The following STAG3 variants were observed in gnomAD, a reference collection of about 807,000 sequenced individuals.
The protein encoded by STAG3 is cohesin subunit SA-3.
In STAG3, 101 loss-of-function variants were observed where a neutral mutation model predicts 160.7. That is an observed-to-expected ratio of 0.63 (90% CI 0.54 to 0.74). The LOEUF (loss-of-function observed/expected upper bound fraction) is 0.74. Among genes scored for constraint, STAG3 ranks in the 30% least tolerant of loss-of-function variants. The pLI is 0.00. For synonymous variants in STAG3, 519 were observed against 585.0 expected, an observed-to-expected ratio of 0.89 and a Z score of 1.63; for missense variants, 1,188 against 1,517.4, an observed-to-expected ratio of 0.78 and a Z score of 3.61.
In STAG3 at chr7:100,205,318, C is replaced by G. The variant is rs752670476; in HGVS notation, c.3172C>G (p.Pro1058Ala). ...PVTTYCHSLS[P>A]VENTAETSPQ... is the part of the protein sequence containing the mutation. The stretch of plus-strand genomic sequence containing the variant: ...CACCACCTACTGCCACTCCCTCAGC[C>G]CTGTGGAGAACACAGCAGAGACCAG... Residue 1058 changes from proline (P) to alanine (A), a missense_variant, in exon 29 of 34, where the codon CCT becomes GCT. By Grantham distance (27) the Pro-to-Ala change is conservative. Around this residue, in one of 4 missense-constraint regions of STAG3, gnomAD observed 647 missense variants for 717.2 expected, o/e 0.90. Coordinates refer to ENST00000615138, the MANE Select transcript of STAG3 (RefSeq NM_001282717.2). 5 of 1,613,974 alleles carry G rather than the reference C, an allele frequency of 3.1e-6. No homozygotes were observed. Among genetic ancestry groups the G allele is most frequent in the African/African-American group, 1.3e-5 (1 of 74,930 alleles).
intron 29 of STAG3, among the ~76,000 whole-genome samples, chr7:100,210,794 C>A (rs1455020847): frequency 2.6e-5 from 4 of 152,210 alleles, no homozygotes; most frequent in Non-Finnish European, 1.5e-5. Flanking sequence ...TTGGACAAGG[C>A]CTAGCTACAA....
intron 8 of STAG3, among the ~76,000 whole-genome samples, chr7:100,193,105 T>C (rs974269943): frequency 2.6e-5 from 4 of 152,190 alleles, no homozygotes; most frequent in African/African-American, 9.7e-5. Context: ...ACCAGGTGCA[T>C]TGTCATTGAG....
rs1480861037 is a variant in STAG3, at chr7:100,201,628, G to A, written c.2221-158G>A. The A allele has an allele frequency of 1.2e-5, 8 of 679,834 alleles. No individual in the cohort carries two copies. In the East Asian group the frequency reaches 2.1e-4, roughly 18 times the overall value. 42.1% of individuals were successfully genotyped at this position (679,834 alleles called of 1,614,324 possible). ...GGTGACATTTCTACTTCGTGTAGATGCCTCTGAAGAATGTCCAGAATATCA... is the reference window on the plus strand; with the variant it reads ...GGTGACATTTCTACTTCGTGTAGATACCTCTGAAGAATGTCCAGAATATCA... On this transcript the variant is annotated intron_variant, in intron 21 of 33. Coordinates refer to ENST00000615138, the MANE Select transcript of STAG3 (RefSeq NM_001282717.2).
rs754911970 is a variant in STAG3 at position 100,214,000 on chromosome 7, A to C, written c.3673-7A>C. 2 of 1,613,930 alleles carry C rather than the reference A, an allele frequency of 1.2e-6. No homozygotes were observed. The highest frequency in any genetic ancestry group is 1.7e-6 in the Non-Finnish European group (2 of 1,179,948). The stretch of plus-strand genomic sequence containing the variant: ...CCTGTGTATTCCTTTCATCTTTCTC[A>C]TTATAGGATTTCTGACAGGACTCTG... On this transcript the variant is annotated splice_region_variant and splice_polypyrimidine_tract_variant and intron_variant, in intron 33 of 33. Coordinates refer to ENST00000615138, the MANE Select transcript of STAG3 (RefSeq NM_001282717.2).
intron 8 of STAG3, among the ~76,000 whole-genome samples, chr7:100,193,058 G>T (rs1195188189): frequency 6.6e-6 from 1 of 152,208 alleles, no homozygotes; most frequent in African/African-American, 2.4e-5. Context: ...AAAGCAACAT[G>T]GATCTCCTTG....
chr7:100,192,034 T>C (rs545579541), intron 8 of STAG3, among the ~76,000 whole-genome samples: 29 of 152,344 alleles, frequency 1.9e-4, no homozygotes, highest in Admixed American at 1.2e-3. Context: ...GGTCATGAAA[T>C]TGCAGCAATT....
At chr7:100,187,365 T>C (rs1800082007) in intron 5 of STAG3, among the ~76,000 whole-genome samples, 1 of 150,942 alleles carries the variant, frequency 6.6e-6, no homozygotes, top group African/African-American at 2.4e-5. Context: ...TGTTGTTGTT[T>C]TTTGGCAGTT....
Position 100,211,528 on chromosome 7 carries a change from C to A in STAG3, c.3507C>A (p.Asn1169Lys). ...PHNPSGPGLGNQLMRLSLMEE... is the reference protein window; with the variant it reads ...PHNPSGPGLGKQLMRLSLMEE... The stretch of plus-strand genomic sequence containing the variant: ...ACCCTTCAGGTCCTGGCCTGGGCAA[C>A]CAGCTGATGCGGTGAGCTTTTCTCA... The change falls in exon 31 of 34, where the codon AAC (asparagine) becomes AAA (lysine). Residue 1169 changes from asparagine (N) to lysine (K), a missense_variant. By Grantham distance (94) the Asn-to-Lys change is moderately conservative (BLOSUM62 0). Around this residue, in one of 4 missense-constraint regions of STAG3, gnomAD observed 647 missense variants for 717.2 expected, o/e 0.90. Coordinates refer to ENST00000615138, the MANE Select transcript of STAG3 (RefSeq NM_001282717.2). 6.2e-7 allele frequency: 1 copy of A among 1,613,816 alleles called. No homozygotes were observed. The highest frequency in any genetic ancestry group is 8.5e-7 in the Non-Finnish European group (1 of 1,179,992).
In STAG3 at chr7:100,213,412, G is replaced by A. The variant is rs556779744; in HGVS notation, c.3601-323G>A. On this transcript the variant is annotated intron_variant, in intron 32 of 33. Transcript: ENST00000615138. ...AACAGGGGAGTCTTGTGCTCAGAAG[G>A]AGAAACCAAACAATGATACCTTCAA... 4 of 985,446 alleles carry A rather than the reference G, an allele frequency of 4.1e-6. No individual in the cohort carries two copies. In the South Asian group the frequency reaches 1.4e-4, roughly 35 times the overall value. The allele number at this position is 985,446 out of a possible 1,614,324, so 61.0% of individuals were successfully genotyped here.
At chr7:100,187,321 C>G (rs1356099406) in intron 5 of STAG3, among the ~76,000 whole-genome samples, 1 of 151,852 alleles carries the variant, frequency 6.6e-6, no homozygotes, top group African/African-American at 2.4e-5. Flanking sequence ...TCGCGCCTGG[C>G]CTGTTTTTTG....
intron 4 of STAG3, among the ~76,000 whole-genome samples, chr7:100,184,549 C>A (rs2117095898): frequency 7.1e-6 from 1 of 140,384 alleles, no homozygotes; most frequent in Non-Finnish European, 1.5e-5. Context: ...CTCACTGCAA[C>A]CTCCACCTCC....
intron 16 of STAG3, 88 bp from the exon 17 acceptor site, chr7:100,200,148 G>A: frequency 1.1e-6 from 1 of 921,570 alleles, no homozygotes. Flanking sequence ...CTTCTAGGCA[G>A]ATAAGGTCAT....
chr7:100,205,889 T>C (rs1801606372), intron 29 of STAG3, among the ~76,000 whole-genome samples: 1 of 152,074 alleles, frequency 6.6e-6, no homozygotes, highest in Admixed American at 6.6e-5. Flanking sequence ...ATCTATACAT[T>C]CAGAGTACCC....
intron 16 of STAG3, among the ~76,000 whole-genome samples, 187 bp downstream of exon 16, chr7:100,199,831 A>T (rs1041309011): frequency 2.6e-5 from 4 of 151,736 alleles, no homozygotes; most frequent in African/African-American, 4.8e-5. Context: ...TGAGGCAGGC[A>T]GATCACGAGG....
chr7:100,188,752 C>T, intron 6 of STAG3, 60 bp from the exon 7 acceptor site: 2 of 1,545,196 alleles, frequency 1.3e-6, no homozygotes, highest in Non-Finnish European at 1.8e-6. Flanking sequence ...ACATCCAAGC[C>T]CCTATGACTT....
At chr7:100,180,121 T>C (rs2117038233) in intron 1 of STAG3, among the ~76,000 whole-genome samples, 1 of 152,158 alleles carries the variant, frequency 6.6e-6, no homozygotes, top group South Asian at 2.1e-4. Context: ...AGTGGTGCGA[T>C]CGTAGCTCAC....
chr7:100,193,998 A>C (rs1294943883), intron 8 of STAG3, among the ~76,000 whole-genome samples: 1 of 140,268 alleles, frequency 7.1e-6, no homozygotes, highest in African/African-American at 2.7e-5. Flanking sequence ...CCCAGGCTAG[A>C]GTGCGATGGC....
intron 2 of STAG3, among the ~76,000 whole-genome samples, chr7:100,181,175 T>G (rs2117051476): frequency 6.6e-6 from 1 of 152,342 alleles, no homozygotes; most frequent in Non-Finnish European, 1.5e-5. Flanking sequence ...GGGGATTTTG[T>G]AAATAGGTCT....
intron 1 of STAG3, among the ~76,000 whole-genome samples, chr7:100,179,491 C>T (rs916764361): frequency 1.3e-5 from 2 of 151,982 alleles, no homozygotes; most frequent in Non-Finnish European, 2.9e-5. Flanking sequence ...GCCTAAAGTT[C>T]TGGGATTACA....
Sources: gnomAD v4.1 joint callset for allele counts (sites outside exome capture counted in the v4.1 genomes callset) on GRCh38, gnomAD v4.1.1 for gene constraint, gnomAD v4.1.1 regional missense constraint, MANE v1.5 for transcripts, NCBI Gene and HGNC (gene_info 2026-07-23, HGNC 2026-07-21) for gene names.